The following ZNF226 variants were observed in gnomAD, a reference collection of about 807,000 sequenced individuals.
ZNF226 encodes the protein zinc finger protein 226, also known as Kruppel-associated box protein.
Under a neutral mutation model 11.4 loss-of-function variants are expected in ZNF226, and 6 were observed. The ratio of observed to expected loss-of-function variants is 0.53; its 90% CI spans 0.29 to 1.04. The LOEUF (loss-of-function observed/expected upper bound fraction) is 1.04, where lower values mean the gene tolerates loss of function less well. ZNF226 is among the 50% of genes least tolerant of loss of function. The probability of loss-of-function intolerance (pLI) is 0.08; values close to 1 mark genes in which losing one functional copy is unlikely to be tolerated. For missense variants in ZNF226, 1,058 were observed against 956.5 expected (o/e 1.11, Z -1.40); for synonymous variants, 350 against 322.8 (o/e 1.08, Z -0.90).
In ZNF226 at chr19:44,166,641, A is replaced by T. The variant is rs145782335; in HGVS notation, c.-47+834A>T. On this transcript the variant is annotated intron_variant, in intron 2 of 5. Transcript: ENST00000337433. The stretch of plus-strand genomic sequence containing the variant: ...AATTCCCCATGACCTTAGGGTATAA[A>T]GATAACAACTATAGTTTAGTGCCTT... 1.8e-4 allele frequency: 28 copies of T among 152,348 alleles called. No individual in the cohort carries two copies. In the East Asian group the frequency reaches 4.6e-3, roughly 25 times the overall value. The allele number at this position is 152,348 out of a possible 1,614,324, so 9.4% of individuals were successfully genotyped here.
the ZNF226 span, among the ~76,000 whole-genome samples, chr19:44,193,168 A>G: frequency 1.3e-5 from 2 of 152,026 alleles, no homozygotes; most frequent in African/African-American, 2.4e-5. Flanking sequence ...GTTATTTACT[A>G]TTTTTTCTGA....
the ZNF226 span, among the ~76,000 whole-genome samples, chr19:44,195,192 G>A: frequency 6.6e-6 from 1 of 152,156 alleles, no homozygotes; most frequent in South Asian, 2.1e-4. Flanking sequence ...GGGTTGCAAG[G>A]TCCTTAATTT....
At chr19:44,190,496 G>T in the ZNF226 span, among the ~76,000 whole-genome samples, 182 of 152,092 alleles carry the variant, frequency 1.2e-3, 1 homozygote, top group African/African-American at 4.2e-3. Context: ...ACCACGCCTG[G>T]CTAATTTTCT....
the ZNF226 span, among the ~76,000 whole-genome samples, chr19:44,197,961 C>A: frequency 6.6e-6 from 1 of 152,070 alleles, no homozygotes; most frequent in Non-Finnish European, 1.5e-5. Context: ...TTAAAAAAAT[C>A]TTTTAATTTT....
chr19:44,182,185 A>C (rs2122545882), downstream of ZNF226, among the ~76,000 whole-genome samples: 1 of 152,348 alleles, frequency 6.6e-6, no homozygotes, highest in South Asian at 2.1e-4. Flanking sequence ...AGTAAAAAAA[A>C]GCCAGAACTT....
chr19:44,177,507 C>T lies in ZNF226; in HGVS notation c.2245C>T (p.His749Tyr). The change falls in exon 6 of 6, where the codon CAC becomes TAC. Residue 749 changes from histidine to tyrosine, a missense_variant. His to Tyr is a moderately conservative substitution (Grantham distance 83, BLOSUM62 2). Coordinates refer to ENST00000337433, the MANE Select transcript of ZNF226 (RefSeq NM_001032373.2). The part of the protein sequence containing the change: ...SSQLQSHQRV[H>Y]TGEKPYKCEI... ...ACAACTACAGTCTCATCAGCGAGTTCACACTGGGGAGAAACCTTATAAATG... is the reference window on the plus strand; with the variant it reads ...ACAACTACAGTCTCATCAGCGAGTTTACACTGGGGAGAAACCTTATAAATG... The T allele has an allele frequency of 6.2e-7, 1 of 1,614,188 alleles. No individual in the cohort carries two copies. The highest frequency in any genetic ancestry group is 1.1e-5 in the South Asian group (1 of 91,092).
Position 44,176,148 on chromosome 19 carries a change from C to G in ZNF226, c.886C>G (p.Pro296Ala). The stretch of plus-strand genomic sequence containing the variant: ...AGGCTTCTGTTACAGCCCAGTTCTT[C>G]CTGTTCATCAGAAAGTACATGTGGG... ...GKGFCYSPVL[P>A]VHQKVHVGEK... Residue 296 changes from proline to alanine, a missense_variant, in exon 6 of 6, where the codon CCT becomes GCT. Transcript: ENST00000337433. 6.2e-7 allele frequency: 1 copy of G among 1,614,100 alleles called. No homozygotes were observed. The highest frequency in any genetic ancestry group is 8.5e-7 in the Non-Finnish European group (1 of 1,180,008).
chr19:44,173,881 T>C (rs55986570), intron 5 of ZNF226: 2 of 152,224 alleles, frequency 1.3e-5, no homozygotes, highest in Non-Finnish European at 2.9e-5. Flanking sequence ...TGTTTTTGTT[T>C]AGTGACGTTT....
At chr19:44,173,285 C>G (rs1313837606) in intron 5 of ZNF226, 1 of 385,772 alleles carries the variant, frequency 2.6e-6, no homozygotes, top group Non-Finnish European at 4.6e-6. Context: ...CTAAATATAT[C>G]TTCTATACTC....
intron 4 of ZNF226, 109 bp downstream of exon 4, chr19:44,172,323 G>A (rs1970193546): frequency 2.8e-6 from 4 of 1,413,540 alleles, no homozygotes; most frequent in Non-Finnish European, 3.8e-6. Flanking sequence ...TAATTTTTGT[G>A]GGATGCAGAG....
At chr19:44,172,468 A>G (rs1004135293) in intron 4 of ZNF226, 4 of 412,478 alleles carry the variant, frequency 9.7e-6, no homozygotes, top group Non-Finnish European at 1.7e-5. Flanking sequence ...CTGTCCCAGT[A>G]TTGAATTATA....
At chr19:44,175,026 A>G (rs1381750588) in intron 5 of ZNF226, 1 of 1,611,432 alleles carries the variant, frequency 6.2e-7, no homozygotes, top group Non-Finnish European at 8.5e-7. Context: ...GACCTGGCTC[A>G]AACTTAAACT....
chr19:44,177,415 A>G lies in ZNF226; in HGVS notation c.2153A>G (p.Gln718Arg), dbSNP rs375854040. 1.4e-4 allele frequency: 218 copies of G among 1,611,094 alleles called. No individual in the cohort carries two copies. Among genetic ancestry groups the G allele is most frequent in the Non-Finnish European group, 1.8e-4 (211 of 1,179,014 alleles). Residue 718 changes from glutamine to arginine, a missense_variant, in exon 6 of 6, where the codon CAG becomes CGG. Transcript: ENST00000337433. ...CAGGCCTCAAGTCTTCAACTTCATC[A>G]GAGTGTCCACACAGGAGAGAAACCA... ...FSQASSLQLH[Q>R]SVHTGEKPYK...
the ZNF226 span, among the ~76,000 whole-genome samples, chr19:44,191,499 A>T: frequency 6.6e-6 from 1 of 152,182 alleles, no homozygotes; most frequent in Non-Finnish European, 1.5e-5. Flanking sequence ...CCATACAATT[A>T]ATCAAATAAG....
the ZNF226 span, among the ~76,000 whole-genome samples, chr19:44,198,878 C>T: frequency 6.6e-6 from 1 of 152,096 alleles, no homozygotes; most frequent in Non-Finnish European, 1.5e-5. Flanking sequence ...GATCTCGGCT[C>T]ACTGCAACCT....
At chr19:44,175,321 GT>G in intron 5 of ZNF226, 176 bp from the exon 6 acceptor site, 1 of 1,409,890 alleles carries the variant, frequency 7.1e-7, no homozygotes. Context: ...CCATCTCTTG[GT>G]TTTGGACCAT....
chr19:44,198,991 C>T, the ZNF226 span, among the ~76,000 whole-genome samples: 641 of 151,412 alleles, frequency 4.2e-3, 3 homozygotes, highest in Admixed American at 0.012. Flanking sequence ...TTAGTAGAGA[C>T]GGTGTTTCAC....
At chr19:44,187,955 A>G in the ZNF226 span, among the ~76,000 whole-genome samples, 1 of 151,872 alleles carries the variant, frequency 6.6e-6, no homozygotes, top group Non-Finnish European at 1.5e-5. This position sits in a 1 kb window ranked among gnomAD's most constrained non-coding sequence, Gnocchi z 4.0. Flanking sequence ...TCTACTATTA[A>G]TTTGTAGTTT....
intron 3 of ZNF226, among the ~76,000 whole-genome samples, 175 bp from the exon 4 acceptor site, chr19:44,171,913 T>G (rs997594650): frequency 2.6e-5 from 4 of 152,230 alleles, no homozygotes; most frequent in Admixed American, 2.0e-4. Flanking sequence ...TACAAAGCTT[T>G]CTTTTTCACA....
Sources: allele counts gnomAD v4.1 joint callset (sites outside exome capture counted in the v4.1 genomes callset), GRCh38; gene constraint gnomAD v4.1.1; non-coding constraint Gnocchi (gnomAD v3.1); transcripts MANE v1.5; gene names NCBI Gene and HGNC (gene_info 2026-07-23, HGNC 2026-07-21).